CDH4: variants seen among roughly 807,000 people sequenced by gnomAD.
The protein encoded by CDH4 is cadherin-4.
CDH4 carries 33 observed loss-of-function variants against 86.0 expected under a neutral mutation model. The observed-to-expected ratio is 0.38, with a 90% CI of 0.29 to 0.51. The LOEUF (loss-of-function observed/expected upper bound fraction) is 0.51, where lower values mean the gene tolerates loss of function less well. Ranked by LOEUF, CDH4 falls within the 20% of genes least tolerant of loss-of-function variation. CDH4 has a pLI of 0.86. For synonymous variants in CDH4, 555 were observed against 549.4 expected, an observed-to-expected ratio of 1.01 and a Z score of -0.14; for missense variants, 1,114 against 1,307.4, an observed-to-expected ratio of 0.85 and a Z score of 2.28.
At chr20:61,883,093 C>T (rs866445810) in intron 7 of CDH4, among the ~76,000 whole-genome samples, 11 of 152,088 alleles carry the variant, frequency 7.2e-5, no homozygotes, top group African/African-American at 1.7e-4. Context: ...CCCATTCCCC[C>T]GGCACCCCAA....
At chr20:61,827,437 C>G (rs1344633979) in intron 4 of CDH4, among the ~76,000 whole-genome samples, 1 of 152,092 alleles carries the variant, frequency 6.6e-6, no homozygotes, top group Non-Finnish European at 1.5e-5. Flanking sequence ...TGGAATAAAG[C>G]AAATGAATAA....
At chr20:61,343,953 C>T (rs2084663222) in intron 2 of CDH4, among the ~76,000 whole-genome samples, 1 of 152,104 alleles carries the variant, frequency 6.6e-6, no homozygotes, top group African/African-American at 2.4e-5. Flanking sequence ...GAATAACTCC[C>T]TGAGAAACTG....
rs769403401 is a variant in CDH4, at chr20:61,743,779, C to T, written c.386C>T (p.Ser129Phe). ...LLVAQTSSPH[S>F]GHKPQKGKKV... ...GTGGCCCAGACCTCGTCCCCGCACT[C>T]TGGACACAAGGTAAGGTGTGACCGC... The change falls in exon 3 of 16, where the codon TCT (serine) becomes TTT (phenylalanine). Residue 129 changes from serine to phenylalanine, a missense_variant. Physicochemically the swap from Ser to Phe is radical, Grantham distance 155. Coordinates refer to ENST00000614565, the MANE Select transcript of CDH4 (RefSeq NM_001794.5). The T allele has an allele frequency of 6.3e-7, 1 of 1,599,664 alleles. No homozygotes were observed. Among genetic ancestry groups the T allele is most frequent in the South Asian group, 1.1e-5 (1 of 88,474 alleles).
intron 2 of CDH4, among the ~76,000 whole-genome samples, chr20:61,263,592 C>T (rs969698574): frequency 6.6e-6 from 1 of 152,236 alleles, no homozygotes; most frequent in African/African-American, 2.4e-5. Context: ...ATGTTTTTAT[C>T]TCCCACACTG....
intron 2 of CDH4, among the ~76,000 whole-genome samples, chr20:61,573,081 G>A (rs1453678763): frequency 6.6e-6 from 1 of 152,176 alleles, no homozygotes; most frequent in Non-Finnish European, 1.5e-5. Flanking sequence ...TAGATGGTTG[G>A]ATGGATGGTT....
chr20:61,627,801 G>A (rs1008940617), intron 2 of CDH4, among the ~76,000 whole-genome samples: 20 of 152,174 alleles, frequency 1.3e-4, no homozygotes, highest in Middle Eastern at 3.4e-3. Flanking sequence ...GTCCCTGCCC[G>A]CTAGGGTGGG....
At chr20:61,253,474 C>T (rs1018412102) in intron 1 of CDH4, among the ~76,000 whole-genome samples, 20 of 152,048 alleles carry the variant, frequency 1.3e-4, no homozygotes, top group Admixed American at 6.5e-5. Flanking sequence ...ATCGGCCTCG[C>T]TGCCTTCTCC....
At chr20:61,727,442 CCAT>C (rs1330455102) in intron 2 of CDH4, among the ~76,000 whole-genome samples, 1 of 152,154 alleles carries the variant, frequency 6.6e-6, no homozygotes, top group Admixed American at 6.6e-5. Context: ...ATCACTGCCA[CCAT>C]CATCATCATC....
intron 2 of CDH4, among the ~76,000 whole-genome samples, chr20:61,610,450 CA>C: frequency 6.6e-6 from 1 of 152,234 alleles, no homozygotes; most frequent in Middle Eastern, 3.4e-3. Flanking sequence ...AATGCAGCTG[CA>C]AAAAAACTTG....
chr20:61,901,113 T>C (rs1165742918), intron 8 of CDH4, among the ~76,000 whole-genome samples: 1 of 151,892 alleles, frequency 6.6e-6, no homozygotes, highest in Non-Finnish European at 1.5e-5. Context: ...GCCAATCTGG[T>C]CTATGGACCC....
Position 61,663,370 on chromosome 20 carries a change from G to T in CDH4, c.170-80193G>T, listed in dbSNP as rs6089256. Among the ~76,000 whole-genome samples the T allele has an allele frequency of 6.6e-6, 1 of 152,034 alleles. No homozygotes were observed. Among genetic ancestry groups the T allele is most frequent in the Non-Finnish European group, 1.5e-5 (1 of 67,962 alleles). On this transcript the variant is annotated intron_variant, in intron 2 of 15. Coordinates refer to ENST00000614565, the MANE Select transcript of CDH4 (RefSeq NM_001794.5). This position sits in a 1 kb window ranked among gnomAD's most constrained non-coding sequence, Gnocchi z 5.0. ...GGGGCAGGGGCTGCTGCGGACAAGC[G>T]TTGGGAGGCCTCTCTGAGGAGGCAG... is the stretch of plus-strand genomic sequence containing the variant.
intron 3 of CDH4, among the ~76,000 whole-genome samples, chr20:61,760,376 G>A (rs1347704906): frequency 1.3e-5 from 2 of 152,250 alleles, no homozygotes; most frequent in Admixed American, 1.3e-4. Context: ...GCCCACAGGT[G>A]CGCGGGGAGA....
At chr20:61,608,255 C>A (rs1168371732) in intron 2 of CDH4, among the ~76,000 whole-genome samples, 1 of 152,052 alleles carries the variant, frequency 6.6e-6, no homozygotes, top group East Asian at 1.9e-4. Context: ...AAATTTATTT[C>A]TAAGCCACGC....
intron 2 of CDH4, among the ~76,000 whole-genome samples, chr20:61,298,434 T>G (rs1035888555): frequency 2.6e-5 from 4 of 151,850 alleles, no homozygotes; most frequent in Non-Finnish European, 5.9e-5. Flanking sequence ...CACCCCTTCC[T>G]CCCGCACTTC....
chr20:61,932,162 C>A (rs922384155), intron 13 of CDH4, among the ~76,000 whole-genome samples: 2 of 152,202 alleles, frequency 1.3e-5, no homozygotes, highest in African/African-American at 4.8e-5. Flanking sequence ...TCTGACAAAG[C>A]CATCTCCCTC....
intron 2 of CDH4, among the ~76,000 whole-genome samples, chr20:61,707,869 G>C (rs534757495): frequency 6.6e-6 from 1 of 152,318 alleles, no homozygotes; most frequent in South Asian, 2.1e-4. Flanking sequence ...CTGCCAGGAG[G>C]CTCTTCCTGT....
At chr20:61,600,846 G>T (rs1420687024) in intron 2 of CDH4, among the ~76,000 whole-genome samples, 3 of 151,798 alleles carry the variant, frequency 2.0e-5, no homozygotes, top group African/African-American at 7.3e-5. Context: ...TAAATATTTC[G>T]GTCCTCAGTT....
rs956254071 is a variant in CDH4, at chr20:61,417,606, G to A, written c.169+162669G>A. ...TCTGGCTGGAATGCATTTCTGTATC[G>A]CTATCTAGCAGGGCTGTAAATTGGC... is the stretch of plus-strand genomic sequence containing the variant. On this transcript the variant is annotated intron_variant, in intron 2 of 15. Transcript: ENST00000614565. The surrounding 1 kb of genome is among the most constrained non-coding windows in gnomAD (Gnocchi z 4.0). Among the ~76,000 whole-genome samples, 9 of 152,338 alleles carry A rather than the reference G, an allele frequency of 5.9e-5. No homozygotes were observed. The highest frequency in any genetic ancestry group is 2.0e-4 in the Admixed American group (3 of 15,306).
At chr20:61,520,481 G>GGT (rs373432405) in intron 2 of CDH4, among the ~76,000 whole-genome samples, 1 of 152,280 alleles carries the variant, frequency 6.6e-6, no homozygotes, top group South Asian at 2.1e-4. Flanking sequence ...CTGGAGGGGT[G>GGT]GTGTGTGTGT....
Sources: gnomAD v4.1 joint callset for allele counts (sites outside exome capture counted in the v4.1 genomes callset) on GRCh38, gnomAD v4.1.1 for gene constraint, Gnocchi (gnomAD v3.1) non-coding constraint, MANE v1.5 for transcripts, NCBI Gene and HGNC (gene_info 2026-07-23, HGNC 2026-07-21) for gene names.